ZNF441: variants seen among roughly 807,000 people sequenced by gnomAD.
The protein encoded by ZNF441 is zinc finger protein 441.
A neutral mutation model predicts 64.5 loss-of-function variants in ZNF441; 25 were observed. That is an observed-to-expected ratio of 0.39 (90% CI 0.28 to 0.54). The LOEUF (loss-of-function observed/expected upper bound fraction) is 0.54, where lower values mean the gene tolerates loss of function less well. Among genes scored for constraint, ZNF441 ranks in the 20% least tolerant of loss-of-function variants. ZNF441 has a pLI of 0.70. For missense variants in ZNF441, 715 were observed against 843.3 expected, an observed-to-expected ratio of 0.85 and a Z score of 1.88; for synonymous variants, 262 against 268.0, an observed-to-expected ratio of 0.98 and a Z score of 0.22.
rs899197999 is a variant in ZNF441, at chr19:11,770,510, A to G, written c.3+3314A>G. On this transcript the variant is annotated intron_variant, in intron 1 of 3. Coordinates refer to ENST00000357901, the MANE Select transcript of ZNF441 (RefSeq NM_152355.3). Reference sequence around the variant, plus strand: ...ATAGAGAATTGGTGTCATTTCTTCCATAAGTGTTTTCCAGAATTCAACAGT... The same window carrying G: ...ATAGAGAATTGGTGTCATTTCTTCCGTAAGTGTTTTCCAGAATTCAACAGT... Among the ~76,000 whole-genome samples, 9 of 152,226 alleles carry G rather than the reference A, an allele frequency of 5.9e-5. 1 individual carries two copies. The highest frequency in any genetic ancestry group is 1.3e-4 in the Admixed American group (2 of 15,286).
chr19:11,772,320 T>G (rs577680435), intron 1 of ZNF441, among the ~76,000 whole-genome samples: 3 of 152,318 alleles, frequency 2.0e-5, no homozygotes, highest in African/African-American at 7.2e-5. Flanking sequence ...TATCTCTTTG[T>G]CTTGTGTCTT....
intron 1 of ZNF441, among the ~76,000 whole-genome samples, chr19:11,771,781 A>G (rs389067): frequency 0.48 from 73,526 of 151,832 alleles, 19,129 homozygotes; most frequent in African/African-American, 0.7. Context: ...TAGCGGTAGC[A>G]AAAAGTGTCA....
At chr19:11,769,384 G>A (rs1401798354) in intron 1 of ZNF441, among the ~76,000 whole-genome samples, 1 of 152,176 alleles carries the variant, frequency 6.6e-6, no homozygotes, top group Non-Finnish European at 1.5e-5. Context: ...AATACCTGCT[G>A]TGTCATAGGT....
chr19:11,778,284 T>G, intron 2 of ZNF441, 46 bp from the exon 3 acceptor site: 2 of 1,298,160 alleles, frequency 1.5e-6, no homozygotes, highest in Non-Finnish European at 1.1e-6. Flanking sequence ...AGTCTTTCTA[T>G]AATTTTATAA....
At chr19:11,775,379 G>A (rs1224093590) in intron 1 of ZNF441, among the ~76,000 whole-genome samples, 3 of 152,250 alleles carry the variant, frequency 2.0e-5, no homozygotes, top group Non-Finnish European at 4.4e-5. Flanking sequence ...GCCCAGGCTG[G>A]GGTGCAGTGG....
chr19:11,774,889 G>A (rs922250169), intron 1 of ZNF441, among the ~76,000 whole-genome samples: 6 of 152,188 alleles, frequency 3.9e-5, no homozygotes, highest in African/African-American at 7.2e-5. Context: ...CTGGAAATCA[G>A]ATTCCCTTCA....
chr19:11,775,644 T>G (rs1450110208), intron 1 of ZNF441, among the ~76,000 whole-genome samples: 6 of 147,722 alleles, frequency 4.1e-5, no homozygotes, highest in African/African-American at 1.5e-4. Context: ...TTTTTTTTTT[T>G]TGTGACGGAA....
chr19:11,781,831 A>G lies in ZNF441; in HGVS notation c.2007A>G (p.Lys669=), dbSNP rs1975406791. 6.2e-7 allele frequency: 1 copy of G among 1,613,398 alleles called. No homozygotes were observed. The highest frequency in any genetic ancestry group is 8.5e-7 in the Non-Finnish European group (1 of 1,179,622). Residue 669 remains lysine, a synonymous_variant, in exon 4 of 4, where the codon AAA becomes AAG. Transcript: ENST00000357901. ...ATGAAAGGACCCACAGTATGGAGAA[A>G]CCCTATAAGTGTAAAGAATGTGGGG... ...HKHERTHSME[K]PYKCKECGEA... is the part of the protein sequence containing the mutation.
At chr19:11,772,928 A>T (rs957710393) in intron 1 of ZNF441, among the ~76,000 whole-genome samples, 3 of 152,120 alleles carry the variant, frequency 2.0e-5, no homozygotes, top group African/African-American at 7.2e-5. Flanking sequence ...AGTAGCTGGA[A>T]CTACAGGCGC....
intron 3 of ZNF441, among the ~76,000 whole-genome samples, chr19:11,779,467 CT>C (rs984087376): frequency 6.6e-6 from 1 of 152,072 alleles, no homozygotes; most frequent in African/African-American, 2.4e-5. Flanking sequence ...GAAACCTCGT[CT>C]CTATAAAAAA....
intron 2 of ZNF441, 113 bp downstream of exon 2, chr19:11,777,850 GC>G: frequency 1.6e-6 from 2 of 1,251,582 alleles, no homozygotes; most frequent in Non-Finnish European, 1.1e-6. Flanking sequence ...CCTTGAACCA[GC>G]CACCCAAGCA....
rs558546874 is a variant in ZNF441, at chr19:11,768,988, G to A, written c.3+1792G>A. On this transcript the variant is annotated intron_variant, in intron 1 of 3. Coordinates refer to ENST00000357901, the MANE Select transcript of ZNF441 (RefSeq NM_152355.3). ...TGGGATCATGGTTATTGAGCACTTC[G>A]GTGAGCAGCATGGTGATGGGGGATG... Among the ~76,000 whole-genome samples the A allele has an allele frequency of 7.9e-5, 12 of 152,246 alleles. No individual in the cohort carries two copies. The South Asian group carries it at 8.3e-4, about 11-fold the overall frequency.
At chr19:11,777,558 TCCCAGTGCC>T (rs1056573831) in intron 1 of ZNF441, 44 bp from the exon 2 acceptor site, 1 of 1,572,722 alleles carries the variant, frequency 6.4e-7, no homozygotes, top group African/African-American at 1.4e-5. Context: ...GAATTTACAT[TCCCAGTGCC>T]TTCAGTTTTA....
At chr19:11,779,928 G>T in intron 3 of ZNF441, 91 bp from the exon 4 acceptor site, 2 of 1,177,318 alleles carry the variant, frequency 1.7e-6, no homozygotes, top group South Asian at 1.6e-5. Context: ...AAAAAGAAAA[G>T]AAAGAAAGAA....
At chr19:11,769,466 G>A (rs1286151237) in intron 1 of ZNF441, among the ~76,000 whole-genome samples, 5 of 152,076 alleles carry the variant, frequency 3.3e-5, no homozygotes, top group African/African-American at 1.2e-4. Context: ...CCATCAGTCT[G>A]CTAATATCAT....
In ZNF441 at chr19:11,780,245, T is replaced by A. The variant is rs1214486605; in HGVS notation, c.421T>A (p.Tyr141Asn). The change falls in exon 4 of 4, where the codon TAT becomes AAT. Residue 141 changes from tyrosine to asparagine, a missense_variant. Physicochemically the swap from Tyr to Asn is moderately radical, Grantham distance 143 (BLOSUM62 -2). Coordinates refer to ENST00000357901, the MANE Select transcript of ZNF441 (RefSeq NM_152355.3). ...GTATCAAGAATATGGAGAGAAGCCATATACACATACACAATGTGGGACAGC... is the reference window on the plus strand; with the variant it reads ...GTATCAAGAATATGGAGAGAAGCCAAATACACATACACAATGTGGGACAGC... ...CEYQEYGEKP[Y>N]THTQCGTAFS... is the part of the protein sequence containing the mutation. 32 of 1,614,060 alleles carry A rather than the reference T, an allele frequency of 2.0e-5. No individual in the cohort carries two copies. Among genetic ancestry groups the A allele is most frequent in the Non-Finnish European group, 2.5e-5 (30 of 1,180,042 alleles).
intron 3 of ZNF441, among the ~76,000 whole-genome samples, chr19:11,778,836 C>T (rs2145083253): frequency 6.6e-6 from 1 of 152,274 alleles, no homozygotes; most frequent in South Asian, 2.1e-4. Context: ...TCTTCAAAAA[C>T]ATATACTTAA....
chr19:11,770,315 C>A (rs1599267338), intron 1 of ZNF441, among the ~76,000 whole-genome samples: 1 of 152,082 alleles, frequency 6.6e-6, no homozygotes, highest in African/African-American at 2.4e-5. Context: ...AAACCGCCCC[C>A]ATGATCCAGT....
Position 11,781,044 on chromosome 19 carries a change from G to A in ZNF441, c.1220G>A (p.Arg407Gln), listed in dbSNP as rs758715417. ...GCCTTTAGTGATTTCTATTACTTTC[G>A]AAATCATGAAACTACTCACACTGGA... ...GKAFSDFYYF[R>Q]NHETTHTGEK... Residue 407 changes from arginine to glutamine, a missense_variant, in exon 4 of 4, where the codon CGA (arginine) becomes CAA (glutamine). Transcript: ENST00000357901. 3.0e-5 allele frequency: 49 copies of A among 1,613,758 alleles called. 1 individual carries two copies. In the South Asian group the frequency reaches 4.5e-4, roughly 15 times the overall value.
Sources: gnomAD v4.1 joint callset for allele counts (sites outside exome capture counted in the v4.1 genomes callset) on GRCh38, gnomAD v4.1.1 for gene constraint, MANE v1.5 for transcripts, NCBI Gene and HGNC (gene_info 2026-07-23, HGNC 2026-07-21) for gene names.